CNTN4: variants seen among roughly 807,000 people sequenced by gnomAD.
CNTN4 encodes the protein contactin 4.
CNTN4 carries 77 observed loss-of-function variants against 122.5 expected under a neutral mutation model. That is an observed-to-expected ratio of 0.63 (90% confidence interval 0.52 to 0.76). CNTN4 has a LOEUF of 0.76. CNTN4 is among the 30% of genes least tolerant of loss of function. CNTN4 has a pLI of 0.00. For missense variants in CNTN4, 1,256 were observed against 1,259.1 expected (o/e 1.00, Z 0.04); for synonymous variants, 512 against 447.0 (o/e 1.15, Z -1.83).
chr3:2,454,103 G>A (rs2048921498), intron 3 of CNTN4, among the ~76,000 whole-genome samples: 1 of 65,272 alleles, frequency 1.5e-5, no homozygotes. Context: ...CTTGCCTGTT[G>A]TTACATGGCA....
chr3:2,609,848 T>C (rs1458146628), intron 4 of CNTN4, among the ~76,000 whole-genome samples: 1 of 152,224 alleles, frequency 6.6e-6, no homozygotes, highest in Non-Finnish European at 1.5e-5. Context: ...ATTTTTTGAT[T>C]TGTGCAACTT....
At chr3:2,248,176 A>G (rs1243268646) in intron 2 of CNTN4, among the ~76,000 whole-genome samples, 1 of 152,046 alleles carries the variant, frequency 6.6e-6, no homozygotes, top group Non-Finnish European at 1.5e-5. Flanking sequence ...TTGAATCATT[A>G]GCTCTATGAA....
intron 4 of CNTN4, among the ~76,000 whole-genome samples, chr3:2,598,146 G>A (rs955998489): frequency 5.9e-5 from 9 of 152,068 alleles, no homozygotes; most frequent in South Asian, 4.1e-4. Flanking sequence ...CCTTTCTTCC[G>A]ACTTCCTTTA....
intron 23 of CNTN4, among the ~76,000 whole-genome samples, chr3:3,046,424 G>T (rs557982574): frequency 5.6e-4 from 85 of 152,320 alleles, no homozygotes; most frequent in Non-Finnish European, 1.0e-3. Flanking sequence ...ACTAATAGCG[G>T]ATCTCTTGGC....
intron 2 of CNTN4, among the ~76,000 whole-genome samples, chr3:2,338,919 G>A (rs1308110658): frequency 6.6e-6 from 1 of 152,024 alleles, no homozygotes; most frequent in East Asian, 1.9e-4. Context: ...ATACTAACAA[G>A]GGAAAGATAG....
chr3:2,488,728 A>G (rs1348148378), intron 3 of CNTN4, among the ~76,000 whole-genome samples: 1 of 152,224 alleles, frequency 6.6e-6, no homozygotes, highest in Admixed American at 6.5e-5. Flanking sequence ...TATCAACAAC[A>G]TGAAAAGAGG....
chr3:2,218,375 C>T (rs576484137), intron 2 of CNTN4, among the ~76,000 whole-genome samples: 3 of 152,212 alleles, frequency 2.0e-5, no homozygotes, highest in Admixed American at 2.0e-4. Flanking sequence ...ATAAGTCTAG[C>T]TAGGCATGGT....
intron 3 of CNTN4, among the ~76,000 whole-genome samples, chr3:2,423,206 T>C (rs924211541): frequency 6.6e-6 from 1 of 152,322 alleles, no homozygotes; most frequent in East Asian, 1.9e-4. Flanking sequence ...TTGTTGCCTT[T>C]CTTTCTTTAT....
chr3:2,827,683 G>C (rs921035824), intron 7 of CNTN4, among the ~76,000 whole-genome samples: 25 of 152,248 alleles, frequency 1.6e-4, no homozygotes, highest in African/African-American at 5.3e-4. Flanking sequence ...TTACAGTTAA[G>C]GTAAACTCTA....
At chr3:3,015,851 A>G (rs1697708614) in intron 14 of CNTN4, among the ~76,000 whole-genome samples, 1 of 152,160 alleles carries the variant, frequency 6.6e-6, no homozygotes, top group African/African-American at 2.4e-5. Flanking sequence ...CTTACTTTTT[A>G]TCAGTAGATG....
intron 16 of CNTN4, among the ~76,000 whole-genome samples, chr3:3,032,342 A>G (rs969185522): frequency 5.3e-5 from 8 of 152,262 alleles, no homozygotes; most frequent in Non-Finnish European, 1.0e-4. Flanking sequence ...AATTAGACTA[A>G]TAAATATTTA....
At chr3:2,818,074 T>C (rs1468220066) in intron 6 of CNTN4, among the ~76,000 whole-genome samples, 1 of 152,162 alleles carries the variant, frequency 6.6e-6, no homozygotes, top group Non-Finnish European at 1.5e-5. Flanking sequence ...CAGTCTTTGG[T>C]TTGCTCTGAT....
intron 2 of CNTN4, among the ~76,000 whole-genome samples, chr3:2,301,330 TA>T (rs1231264116): frequency 1.3e-5 from 2 of 152,354 alleles, no homozygotes; most frequent in African/African-American, 4.8e-5. Context: ...AACCATTTAT[TA>T]AACTATGAAT....
chr3:2,128,046 A>G (rs1240687234), intron 2 of CNTN4, among the ~76,000 whole-genome samples: 1 of 152,220 alleles, frequency 6.6e-6, no homozygotes. Flanking sequence ...TTTTGCAGAG[A>G]GTGTTTCTCT....
In CNTN4 at chr3:2,468,999, C is replaced by T. The variant is rs558565152; in HGVS notation, c.-88-102417C>T. Among the ~76,000 whole-genome samples the T allele has an allele frequency of 2.6e-5, 4 of 152,218 alleles. No homozygotes were observed. In the South Asian group the frequency reaches 8.3e-4, roughly 32 times the overall value. ...CATCTGGCAAGGAGAAATAAGATTGCTATAATTGGCCTAGTCCAGTCAAAA... is the reference window on the plus strand; with the variant it reads ...CATCTGGCAAGGAGAAATAAGATTGTTATAATTGGCCTAGTCCAGTCAAAA... On this transcript the variant is annotated intron_variant, in intron 3 of 24. Coordinates refer to ENST00000418658, the MANE Select transcript of CNTN4 (RefSeq NM_175607.3).
At chr3:2,494,551 A>G (rs1274127786) in intron 3 of CNTN4, among the ~76,000 whole-genome samples, 1 of 152,160 alleles carries the variant, frequency 6.6e-6, no homozygotes, top group Non-Finnish European at 1.5e-5. Flanking sequence ...TAGCTGGTAA[A>G]TGTCTCTTAT....
chr3:2,166,938 A>G (rs994013717), intron 2 of CNTN4, among the ~76,000 whole-genome samples: 2 of 152,222 alleles, frequency 1.3e-5, no homozygotes, highest in African/African-American at 4.8e-5. Flanking sequence ...AATTTGGAAG[A>G]AAGAAACGAG....
chr3:2,325,984 A>G (rs2043440853), intron 2 of CNTN4, among the ~76,000 whole-genome samples: 1 of 152,224 alleles, frequency 6.6e-6, no homozygotes, highest in African/African-American at 2.4e-5. Flanking sequence ...TATTTCTTTT[A>G]GAGGATGTGA....
At chr3:2,629,424 T>G (rs148237576) in intron 4 of CNTN4, 6 of 351,628 alleles carry the variant, frequency 1.7e-5, no homozygotes, top group Non-Finnish European at 2.8e-5. Flanking sequence ...AAAATACTTT[T>G]CAAATATTCA....
Sources: gnomAD v4.1 joint callset for allele counts (sites outside exome capture counted in the v4.1 genomes callset) on GRCh38, gnomAD v4.1.1 for gene constraint, MANE v1.5 for transcripts, NCBI Gene and HGNC (gene_info 2026-07-23, HGNC 2026-07-21) for gene names.